The following CNOT1 variants were observed in gnomAD, a reference collection of about 807,000 sequenced individuals.
CNOT1 encodes the protein CCR4-NOT transcription complex subunit 1.
Under a neutral mutation model 273.8 loss-of-function variants are expected in CNOT1, and 15 were observed. The ratio of observed to expected loss-of-function variants is 0.05; its 90% CI spans 0.04 to 0.08. The LOEUF is 0.08. Ranked by LOEUF, CNOT1 falls within the 10% of genes least tolerant of loss-of-function variation. The probability of loss-of-function intolerance (pLI) is 1.00; values close to 1 mark genes in which losing one functional copy is unlikely to be tolerated. For missense variants in CNOT1, 1,644 were observed against 2,912.2 expected (o/e 0.56, Z 10.02); for synonymous variants, 1,022 against 1,005.5 (o/e 1.02, Z -0.31).
In CNOT1 at chr16:58,520,050, C is replaced by CCATTTG. The variant is rs2039310599; in HGVS notation, c.*907_*908insCAAATG. ...AAGGCTACAAAATACAACACAGGGACCAATACATTTGCAAAACATTCAAAA... is the reference window on the plus strand; with the variant it reads ...AAGGCTACAAAATACAACACAGGGACCATTTGCAATACATTTGCAAAACATTCAAAA... On this transcript the variant is annotated 3_prime_UTR_variant, in exon 49 of 49. Coordinates refer to ENST00000317147, the MANE Select transcript of CNOT1 (RefSeq NM_016284.5). 6.6e-6 allele frequency: 1 copy of CCATTTG among 152,166 alleles called. No individual in the cohort carries two copies. Among genetic ancestry groups the CCATTTG allele is most frequent in the Admixed American group, 6.6e-5 (1 of 15,266 alleles). The allele number at this position is 152,166 out of a possible 1,614,324, so 9.4% of individuals were successfully genotyped here.
intron 1 of CNOT1, among the ~76,000 whole-genome samples, chr16:58,622,601 C>T (rs1030714718): frequency 3.9e-5 from 6 of 152,154 alleles, no homozygotes; most frequent in African/African-American, 9.6e-5. Context: ...AATCCCAACA[C>T]TTTGGGAGGC....
chr16:58,549,186 C>CT, intron 25 of CNOT1, among the ~76,000 whole-genome samples: 1 of 151,040 alleles, frequency 6.6e-6, no homozygotes, highest in East Asian at 1.9e-4. Flanking sequence ...ACTCGGGAGG[C>CT]TGAAGTAAGA....
At chr16:58,598,329 T>C (rs1398333340) in intron 2 of CNOT1, among the ~76,000 whole-genome samples, 1 of 145,728 alleles carries the variant, frequency 6.9e-6, no homozygotes, top group Admixed American at 7.2e-5. Flanking sequence ...ACCTGGGAGA[T>C]GGTGGTTGCA....
chr16:58,575,661 C>T (rs1019749788), intron 14 of CNOT1, among the ~76,000 whole-genome samples: 6 of 151,900 alleles, frequency 3.9e-5, no homozygotes, highest in Admixed American at 6.6e-5. Flanking sequence ...TAGCCAGGTA[C>T]GTTGGCAGGC....
chr16:58,555,746 C>T (rs2040609781), intron 20 of CNOT1, 38 bp downstream of exon 20: 1 of 1,611,874 alleles, frequency 6.2e-7, no homozygotes, highest in South Asian at 1.1e-5. Flanking sequence ...TTAAGACTGG[C>T]CTAAACAATA....
chr16:58,566,921 G>A (rs9924494), intron 16 of CNOT1, among the ~76,000 whole-genome samples: 5,021 of 152,104 alleles, frequency 0.033, 262 homozygotes, highest in African/African-American at 0.11. Flanking sequence ...GTGAGCCACC[G>A]CGCCCAGCCT....
chr16:58,521,090 C>T (rs376887488), intron 48 of CNOT1, 54 bp from the exon 49 acceptor site: 59 of 1,613,372 alleles, frequency 3.7e-5, no homozygotes, highest in Non-Finnish European at 4.8e-5. Flanking sequence ...CCTAACAATA[C>T]CTTGCATCTC....
At chr16:58,615,024 T>TAA (rs11390025) in intron 1 of CNOT1, among the ~76,000 whole-genome samples, 1,953 of 107,226 alleles carry the variant, frequency 0.018, 302 homozygotes, top group African/African-American at 0.056. Flanking sequence ...CTTTGCTATT[T>TAA]AAAAAAAAAA....
At chr16:58,548,601 AAT>A (rs1342439445) in intron 25 of CNOT1, 4 of 519,088 alleles carry the variant, frequency 7.7e-6, no homozygotes, top group African/African-American at 7.7e-5. Context: ...AAGAATGGGG[AAT>A]ATTCCCATCC....
At position 58,615,935 on chromosome 16, in the gene CNOT1, T is replaced by A. The variant is rs1298383443; in HGVS notation, c.-175+13793A>T. On this transcript the variant is annotated intron_variant, in intron 1 of 48. Coordinates refer to ENST00000317147, the MANE Select transcript of CNOT1 (RefSeq NM_016284.5). ...CATCTCTACTTTTTTTTTTTTTTTT[T>A]AATTAGCAAGGTGCAGTGGCAAATG... 2.5e-5 allele frequency among the ~76,000 whole-genome samples: 3 copies of A among 118,372 alleles called. No individual in the cohort carries two copies. In the East Asian group the frequency reaches 5.9e-4, roughly 23 times the overall value. The allele number at this position is 118,372 out of a possible 152,430, so 77.7% of individuals were successfully genotyped here. A position where few individuals can be genotyped will look rare whatever the true frequency, so the allele number is the denominator to read the frequency against.
chr16:58,588,934 A>G lies in CNOT1; in HGVS notation c.103-28T>C, dbSNP rs1399118233. ...AAAATGACCAAAAATAACATGTTTA[A>G]TAAGGGAAGATAAAACAAAAAAAAA... On this transcript the variant is annotated intron_variant, in intron 2 of 48. Coordinates refer to ENST00000317147, the MANE Select transcript of CNOT1 (RefSeq NM_016284.5). 23 of 1,553,950 alleles carry G rather than the reference A, an allele frequency of 1.5e-5. 1 individual carries two copies. The highest frequency in any genetic ancestry group is 2.0e-5 in the Non-Finnish European group (23 of 1,154,216).
intron 16 of CNOT1, among the ~76,000 whole-genome samples, chr16:58,560,897 T>C (rs1264711763): frequency 6.6e-6 from 1 of 152,092 alleles, no homozygotes; most frequent in Non-Finnish European, 1.5e-5. Flanking sequence ...TGGTGGCGCA[T>C]GCCTGTAGTC....
intron 34 of CNOT1, 114 bp downstream of exon 34, chr16:58,541,387 T>G: frequency 5.5e-6 from 8 of 1,460,914 alleles, no homozygotes; most frequent in Non-Finnish European, 5.5e-6. Flanking sequence ...AAACTATAGG[T>G]GTTTTTTCCC....
intron 16 of CNOT1, among the ~76,000 whole-genome samples, chr16:58,570,269 T>C (rs1219291725): frequency 6.6e-6 from 1 of 152,166 alleles, no homozygotes; most frequent in Non-Finnish European, 1.5e-5. Context: ...CACTGAACAC[T>C]GACCTGAATC....
Position 58,581,437 on chromosome 16 carries a change from G to A in CNOT1, c.1123C>T (p.His375Tyr). ...GFQIRDSKGL[H>Y]NVVYGIQRGL... is the part of the protein sequence containing the mutation. ...CTCTGAATGCCATAAACCACATTAT[G>A]AAGTCCTTTACTGTCACGAATTTGA... is the stretch of plus-strand genomic sequence containing the variant. Residue 375 changes from histidine (H) to tyrosine (Y), a missense_variant, in exon 11 of 49, where the codon CAT becomes TAT. His to Tyr is a moderately conservative substitution (Grantham distance 83). This residue lies in a region of CNOT1 where 706 missense variants were observed against 1,021.2 expected (regional missense o/e 0.69). Coordinates refer to ENST00000317147, the MANE Select transcript of CNOT1 (RefSeq NM_016284.5). 1 of 1,614,030 alleles carries A rather than the reference G, an allele frequency of 6.2e-7. No homozygotes were observed. Among genetic ancestry groups the A allele is most frequent in the Non-Finnish European group, 8.5e-7 (1 of 1,180,004 alleles).
rs2041412066 is a variant in CNOT1 at position 58,575,084 on chromosome 16, C to T, written c.1750G>A (p.Asp584Asn). 1 of 1,613,902 alleles carries T rather than the reference C, an allele frequency of 6.2e-7. No individual in the cohort carries two copies. The highest frequency in any genetic ancestry group is 1.3e-5 in the African/African-American group (1 of 74,892). The change falls in exon 15 of 49, where the codon GAC becomes AAC. Residue 584 changes from aspartate to asparagine, a missense_variant. By Grantham distance (23) the Asp-to-Asn change is conservative. Transcript: ENST00000317147. ...LNGTPFAFVI[D>N]LAALASRREY... ...CGACGTGAAGCAAGTGCAGCAAGGT[C>T]AATAACAAAGGCAAATGGAGTACCA...
chr16:58,589,668 TA>T (rs2041990797), intron 2 of CNOT1, among the ~76,000 whole-genome samples: 2 of 152,162 alleles, frequency 1.3e-5, no homozygotes, highest in Admixed American at 1.3e-4. Context: ...GGTTTTTTTT[TA>T]AGGCAACAAT....
At chr16:58,618,744 C>T (rs1028174018) in intron 1 of CNOT1, among the ~76,000 whole-genome samples, 1 of 151,528 alleles carries the variant, frequency 6.6e-6, no homozygotes, top group Non-Finnish European at 1.5e-5. Context: ...CAACCTCAAA[C>T]GGCACATTAC....
chr16:58,526,838 A>C (rs1413730851), intron 44 of CNOT1, among the ~76,000 whole-genome samples: 1 of 144,368 alleles, frequency 6.9e-6, no homozygotes, highest in Non-Finnish European at 1.5e-5. Flanking sequence ...AAAAAAAAAA[A>C]AATGCATGTG....
Sources: allele counts gnomAD v4.1 joint callset (sites outside exome capture counted in the v4.1 genomes callset), GRCh38; gene constraint gnomAD v4.1.1; regional missense constraint gnomAD v4.1.1; transcripts MANE v1.5; gene names NCBI Gene and HGNC (gene_info 2026-07-23, HGNC 2026-07-21).